SLC10A1: variants seen among roughly 807,000 people sequenced by gnomAD.
SLC10A1 encodes the protein solute carrier family 10 member 1.
In SLC10A1, 36 loss-of-function variants were observed where a neutral mutation model predicts 20.5. That is an observed-to-expected ratio of 1.75 (90% CI 1.34 to 2.32). The LOEUF is 2.32. Ranked by LOEUF, SLC10A1 falls within the 30% of genes most tolerant of loss-of-function variation. SLC10A1 has a pLI of 0.00. For synonymous variants in SLC10A1, 188 were observed against 163.6 expected (o/e 1.15, Z -1.14); for missense variants, 545 against 439.1 (o/e 1.24, Z -2.16).
chr14:69,779,447 G>T, intron 2 of SLC10A1, 87 bp from the exon 3 acceptor site: 1 of 994,288 alleles, frequency 1.0e-6, no homozygotes, highest in Non-Finnish European at 1.5e-6. Flanking sequence ...AATTGGAGGT[G>T]GGAAACATTG....
At position 69,788,772 on chromosome 14, in the gene SLC10A1, T is replaced by A. The variant is rs576839014; in HGVS notation, c.357-2465A>T. Among the ~76,000 whole-genome samples the A allele has an allele frequency of 3.9e-5, 6 of 151,996 alleles. No individual in the cohort carries two copies. In the South Asian group the frequency reaches 1.2e-3, roughly 32 times the overall value. ...CGTGTTAGCCAGGATAGTCTCGATC[T>A]CCTGACCTCGTGATCCACCCGCCTG... On this transcript the variant is annotated intron_variant, in intron 1 of 4. Transcript: ENST00000216540.
rs368086757 is a variant in SLC10A1 at position 69,778,512 on chromosome 14, C to T, written c.764G>A (p.Ser255Asn). ...CLNGRCRRTV[S>N]METGCQNVQL... is the part of the protein sequence containing the mutation. ...GACATTTTGGCATCCAGTCTCCATG[C>T]TGACAGTGCGTCTGCACCTGTGCCG... is the stretch of plus-strand genomic sequence containing the variant. The change falls in exon 4 of 5, where the codon AGC becomes AAC. Residue 255 changes from serine to asparagine, a missense_variant. Coordinates refer to ENST00000216540, the MANE Select transcript of SLC10A1 (RefSeq NM_003049.4). 7.5e-6 allele frequency: 12 copies of T among 1,608,630 alleles called. No individual in the cohort carries two copies. Among genetic ancestry groups the T allele is most frequent in the Non-Finnish European group, 9.3e-6 (11 of 1,177,846 alleles).
intron 2 of SLC10A1, among the ~76,000 whole-genome samples, chr14:69,780,422 GT>G (rs1472172908): frequency 6.6e-6 from 1 of 152,158 alleles, no homozygotes; most frequent in Non-Finnish European, 1.5e-5. Flanking sequence ...TTTTGTAATA[GT>G]TACATGTGTT....
intron 1 of SLC10A1, among the ~76,000 whole-genome samples, chr14:69,788,097 G>A (rs1312054932): frequency 6.6e-6 from 1 of 151,962 alleles, no homozygotes; most frequent in Non-Finnish European, 1.5e-5. Context: ...AAGCTTCATA[G>A]AGGGGTTCTG....
intron 1 of SLC10A1, among the ~76,000 whole-genome samples, chr14:69,789,927 C>G (rs76490537): frequency 1.0e-5 from 1 of 96,642 alleles, no homozygotes. Context: ...TTTTTTTTTT[C>G]TTTTTTTTTT....
intron 1 of SLC10A1, among the ~76,000 whole-genome samples, chr14:69,792,495 T>A (rs1486100503): frequency 6.6e-6 from 1 of 152,210 alleles, no homozygotes; most frequent in Non-Finnish European, 1.5e-5. Flanking sequence ...ACTACTGCGA[T>A]CTGCTTCACT....
intron 1 of SLC10A1, among the ~76,000 whole-genome samples, chr14:69,789,916 T>TG (rs1331441719): frequency 6.7e-6 from 1 of 148,888 alleles, no homozygotes; most frequent in African/African-American, 2.5e-5. Context: ...AAAATAGGGT[T>TG]TTTTTTTTTT....
rs189313778 is a variant in SLC10A1 at position 69,778,399 on chromosome 14, G to C, written c.877C>G (p.Gln293Glu). 1.1e-4 allele frequency: 185 copies of C among 1,613,906 alleles called. 2 individuals carry two copies. Among genetic ancestry groups the C allele is most frequent in the Middle Eastern group, 8.3e-4 (5 of 6,060 alleles). The change falls in exon 4 of 5, where the codon CAG becomes GAG. Residue 293 changes from glutamine (Q) to glutamate (E), a missense_variant. Physicochemically the swap from Gln to Glu is conservative, Grantham distance 29. Transcript: ENST00000216540. ...FFFPLLYMIF[Q>E]LGEGLLLIAI... ...ATGAGGAGAAGCCCTTCTCCAAGCT[G>C]GAAAATCATGTAGAGGAGGGGAAAG...
intron 1 of SLC10A1, among the ~76,000 whole-genome samples, chr14:69,789,674 A>G (rs185423321): frequency 1.3e-5 from 2 of 152,356 alleles, no homozygotes; most frequent in East Asian, 3.9e-4. Flanking sequence ...AATTTAAAGA[A>G]TGGATTTTAT....
intron 1 of SLC10A1, among the ~76,000 whole-genome samples, chr14:69,791,990 C>T (rs376441473): frequency 1.3e-5 from 2 of 148,914 alleles, no homozygotes; most frequent in Admixed American, 6.7e-5. Flanking sequence ...GTTGCTCTGT[C>T]GCCCAGGCTG....
intron 2 of SLC10A1, among the ~76,000 whole-genome samples, chr14:69,785,362 TCTC>T (rs1265744976): frequency 2.0e-5 from 3 of 152,116 alleles, no homozygotes; most frequent in East Asian, 1.9e-4. Context: ...ACACTACCTG[TCTC>T]CTCTAGCTTC....
Position 69,776,389 on chromosome 14 carries a change from C to T in SLC10A1, c.944-1G>A. On this transcript the variant is annotated splice_acceptor_variant, in intron 4 of 4. Transcript: ENST00000216540. LOFTEE classifies it high-confidence loss of function. ...GCTGTGTAGATCATTTTTGTTTTATCTGTAAAGTTAAAAAGGGTTACAGGT... is the reference window on the plus strand; with the variant it reads ...GCTGTGTAGATCATTTTTGTTTTATTTGTAAAGTTAAAAAGGGTTACAGGT... 1 of 1,609,052 alleles carries T rather than the reference C, an allele frequency of 6.2e-7. No homozygotes were observed. Among genetic ancestry groups the T allele is most frequent in the Non-Finnish European group, 8.5e-7 (1 of 1,177,276 alleles).
intron 2 of SLC10A1, among the ~76,000 whole-genome samples, chr14:69,784,394 G>A (rs1044634076): frequency 6.6e-6 from 1 of 152,188 alleles, no homozygotes; most frequent in Non-Finnish European, 1.5e-5. Flanking sequence ...CTGGGTGGAT[G>A]GGAGACCAAG....
chr14:69,784,297 T>C (rs1883662918), intron 2 of SLC10A1, among the ~76,000 whole-genome samples: 1 of 152,208 alleles, frequency 6.6e-6, no homozygotes, highest in Non-Finnish European at 1.5e-5. Flanking sequence ...TGGTCAATTA[T>C]GTCCAATGCT....
chr14:69,780,283 G>T (rs1046346585), intron 2 of SLC10A1, among the ~76,000 whole-genome samples: 21 of 152,190 alleles, frequency 1.4e-4, no homozygotes, highest in African/African-American at 4.8e-4. Context: ...CATGCACTTT[G>T]TACTTTCCAG....
intron 1 of SLC10A1, among the ~76,000 whole-genome samples, chr14:69,794,396 G>A (rs1882344479): frequency 6.6e-6 from 1 of 152,202 alleles, no homozygotes; most frequent in Admixed American, 6.5e-5. Flanking sequence ...AGATATTTCA[G>A]TAAAAGCACA....
intron 1 of SLC10A1, among the ~76,000 whole-genome samples, chr14:69,790,280 C>A (rs991278787): frequency 6.6e-6 from 1 of 151,918 alleles, no homozygotes; most frequent in Non-Finnish European, 1.5e-5. Context: ...CAGATTGTTG[C>A]AATATTATGC....
intron 1 of SLC10A1, among the ~76,000 whole-genome samples, chr14:69,789,722 A>G (rs1883797692): frequency 6.6e-6 from 1 of 152,172 alleles, no homozygotes; most frequent in Non-Finnish European, 1.5e-5. Context: ...GTAATTAAAA[A>G]CCATGCAGGG....
Position 69,786,188 on chromosome 14 carries a change from A to T in SLC10A1, c.476T>A (p.Ile159Asn), listed in dbSNP as rs768361621. 3 of 1,614,092 alleles carry T rather than the reference A, an allele frequency of 1.9e-6. No individual in the cohort carries two copies. Among genetic ancestry groups the T allele is most frequent in the Non-Finnish European group, 2.5e-6 (3 of 1,180,004 alleles). Residue 159 changes from isoleucine (I) to asparagine (N), a missense_variant, in exon 2 of 5, where the codon ATC (isoleucine) becomes AAC (asparagine). Ile to Asn is a moderately radical substitution (Grantham distance 149, BLOSUM62 -3). Coordinates refer to ENST00000216540, the MANE Select transcript of SLC10A1 (RefSeq NM_003049.4). Reference sequence around the variant, plus strand: ...GAGAACCAGGACCAGTGATATCACGATGCCTTTATAGGGCACCTTGTCCTT... The same window carrying T: ...GAGAACCAGGACCAGTGATATCACGTTGCCTTTATAGGGCACCTTGTCCTT... ...DLKDKVPYKG[I>N]VISLVLVLIP...
Sources: gnomAD v4.1 joint callset for allele counts (sites outside exome capture counted in the v4.1 genomes callset) on GRCh38, gnomAD v4.1.1 for gene constraint, MANE v1.5 for transcripts, NCBI Gene and HGNC (gene_info 2026-07-23, HGNC 2026-07-21) for gene names.